The following FRY variants were observed in gnomAD, a reference collection of about 807,000 sequenced individuals.
FRY encodes FRY microtubule binding protein, also known as protein furry homolog.
Under a neutral mutation model 348.4 loss-of-function variants are expected in FRY, and 128 were observed. That is an observed-to-expected ratio of 0.37 (90% CI 0.32 to 0.43). FRY has a LOEUF of 0.43. FRY is among the 20% of genes least tolerant of loss of function. FRY has a pLI of 1.00. For missense variants in FRY, 2,736 were observed against 3,695.2 expected (o/e 0.74, Z 6.73); for synonymous variants, 1,370 against 1,374.7 (o/e 1.00, Z 0.08).
At chr13:32,036,722 A>C (rs1244909764) in intron 1 of FRY, among the ~76,000 whole-genome samples, 1 of 151,458 alleles carries the variant, frequency 6.6e-6, no homozygotes, top group East Asian at 1.9e-4. Context: ...TAACCCTGTG[A>C]GTTTAAGTGT....
rs1364319946 is a variant in FRY at position 32,171,068 on chromosome 13, G to T, written c.1949G>T (p.Gly650Val). The part of the protein sequence containing the change: ...LRHIAQNSLQ[G>V]LLVDFSDWRE... ...CATATTGCACAAAATTCTCTTCAGG[G>T]TTTACTTGTTGACTTCTCAGATTGG... Residue 650 changes from glycine (G) to valine (V), a missense_variant, in exon 18 of 61, where the codon GGT (glycine) becomes GTT (valine). Physicochemically the swap from Gly to Val is moderately radical, Grantham distance 109. Coordinates refer to ENST00000542859, the MANE Select transcript of FRY (RefSeq NM_023037.3). The T allele has an allele frequency of 6.2e-7, 1 of 1,611,472 alleles. No individual in the cohort carries two copies. Among genetic ancestry groups the T allele is most frequent in the Middle Eastern group, 1.7e-4 (1 of 6,058 alleles).
At chr13:32,167,949 C>T (rs1275419860) in intron 17 of FRY, among the ~76,000 whole-genome samples, 3 of 152,132 alleles carry the variant, frequency 2.0e-5, no homozygotes, top group Admixed American at 1.3e-4. Context: ...GCCTTTTACC[C>T]CAGCTTTAAC....
chr13:32,058,191 C>CT (rs969208484), intron 1 of FRY, among the ~76,000 whole-genome samples: 27 of 152,034 alleles, frequency 1.8e-4, no homozygotes, highest in Non-Finnish European at 3.2e-4. Context: ...AAATATATGA[C>CT]TTTTTTTGGA....
chr13:32,059,776 T>C (rs1201374594), intron 1 of FRY, among the ~76,000 whole-genome samples: 2 of 152,222 alleles, frequency 1.3e-5, no homozygotes, highest in Non-Finnish European at 2.9e-5. Flanking sequence ...CTTTACCCTC[T>C]TCTGTCTGTA....
At chr13:32,083,443 G>A (rs2138550672) in intron 2 of FRY, among the ~76,000 whole-genome samples, 1 of 152,076 alleles carries the variant, frequency 6.6e-6, no homozygotes, top group Non-Finnish European at 1.5e-5. Flanking sequence ...TGTTTGTTGT[G>A]CCTGCTAATT....
intron 10 of FRY, among the ~76,000 whole-genome samples, chr13:32,136,039 T>A (rs1467324451): frequency 2.6e-5 from 4 of 151,156 alleles, no homozygotes; most frequent in Admixed American, 6.6e-5. Flanking sequence ...TAAGTTAATT[T>A]AAAAAAAAAC....
At chr13:32,133,760 C>CT (rs1879519335) in intron 8 of FRY, among the ~76,000 whole-genome samples, 4 of 114,708 alleles carry the variant, frequency 3.5e-5, no homozygotes, top group East Asian at 2.2e-4. Context: ...TTCTTTCTTT[C>CT]TTTCTTTCTT....
chr13:32,032,663 CA>C (rs1388114411), intron 1 of FRY, among the ~76,000 whole-genome samples: 11 of 152,188 alleles, frequency 7.2e-5, no homozygotes, highest in Non-Finnish European at 4.4e-5. Context: ...GATCTGGAAT[CA>C]AATTAAAATG....
At chr13:32,059,458 CAAAAAAAAAA>C (rs10692049) in intron 1 of FRY, among the ~76,000 whole-genome samples, 3 of 111,440 alleles carry the variant, frequency 2.7e-5, no homozygotes, top group Non-Finnish European at 3.6e-5. Flanking sequence ...ACTTAGGAAG[CAAAAAAAAAA>C]AAAAAAAAAT....
At chr13:32,210,024 T>A (rs1026898903) in intron 33 of FRY, among the ~76,000 whole-genome samples, 1 of 152,214 alleles carries the variant, frequency 6.6e-6, no homozygotes, top group African/African-American at 2.4e-5. Flanking sequence ...CTGCCTTCTA[T>A]AAACATTGGA....
chr13:32,274,703 CAAAAAAA>C (rs397723164), intron 55 of FRY, 132 bp from the exon 56 acceptor site: 160 of 306,352 alleles, frequency 5.2e-4, no homozygotes, highest in African/African-American at 6.4e-4. Context: ...GATTCTGTCT[CAAAAAAA>C]AAAAAAAAAA....
chr13:32,089,705 G>A (rs1029699667), intron 2 of FRY, among the ~76,000 whole-genome samples: 9 of 152,118 alleles, frequency 5.9e-5, no homozygotes, highest in South Asian at 2.1e-4. Context: ...GCAGTAAGCC[G>A]TGTTAACACC....
chr13:32,096,801 T>TGAA (rs1566068545), intron 2 of FRY, among the ~76,000 whole-genome samples: 1 of 7,354 alleles, frequency 1.4e-4, no homozygotes, highest in African/African-American at 4.2e-4. Flanking sequence ...AGACTCTGTC[T>TGAA]CAAAAAAAAA....
At chr13:32,101,889 C>T in intron 2 of FRY, 74 bp from the exon 3 acceptor site, 1 of 893,754 alleles carries the variant, frequency 1.1e-6, no homozygotes, top group Non-Finnish European at 1.9e-6. Flanking sequence ...AAAAATGGAA[C>T]AATAATGGCA....
Position 32,155,659 on chromosome 13 carries a change from A to G in FRY, c.1648A>G (p.Ile550Val). ...KTLTEEEAKMIGMSLYYSQVR... is the reference protein window; with the variant it reads ...KTLTEEEAKMVGMSLYYSQVR... The stretch of plus-strand genomic sequence containing the variant: ...ACTAACTGAAGAGGAAGCCAAAATG[A>G]TAGGTGAGTTTCAGAAGTGCATAAG... The change falls in exon 15 of 61, where the codon ATA (isoleucine) becomes GTA (valine). Residue 550 changes from isoleucine (I) to valine (V), a missense_variant. Physicochemically the swap from Ile to Val is conservative, Grantham distance 29. This residue lies in a region of FRY where 191 missense variants were observed against 370.2 expected (regional missense o/e 0.52). Transcript: ENST00000542859. 6.2e-7 allele frequency: 1 copy of G among 1,610,332 alleles called. No homozygotes were observed. Among genetic ancestry groups the G allele is most frequent in the African/African-American group, 1.3e-5 (1 of 74,968 alleles).
chr13:32,131,916 A>G, intron 8 of FRY, 76 bp downstream of exon 8: 2 of 1,125,050 alleles, frequency 1.8e-6, no homozygotes, highest in Non-Finnish European at 2.7e-6. Context: ...AACCTGGAAC[A>G]TGAAAAGCCA....
chr13:32,200,744 T>G (rs1206557346), intron 29 of FRY, among the ~76,000 whole-genome samples: 4 of 152,234 alleles, frequency 2.6e-5, no homozygotes, highest in African/African-American at 9.6e-5. Context: ...CTCTCTATTC[T>G]ATATGGTTAT....
intron 37 of FRY, 100 bp downstream of exon 37, chr13:32,224,485 A>G: frequency 9.5e-7 from 1 of 1,057,088 alleles, no homozygotes; most frequent in East Asian, 2.5e-5. Flanking sequence ...ACATTAAATT[A>G]TCTTATCAAT....
chr13:32,061,637 GT>G (rs1334371067), intron 1 of FRY, among the ~76,000 whole-genome samples: 4 of 152,102 alleles, frequency 2.6e-5, no homozygotes, highest in African/African-American at 7.2e-5. Context: ...CCTAAAAGCA[GT>G]TTTTTTCTTC....
Sources: allele counts gnomAD v4.1 joint callset (sites outside exome capture counted in the v4.1 genomes callset), GRCh38; gene constraint gnomAD v4.1.1; regional missense constraint gnomAD v4.1.1; transcripts MANE v1.5; gene names NCBI Gene and HGNC (gene_info 2026-07-23, HGNC 2026-07-21).